BST1: variants seen among roughly 807,000 people sequenced by gnomAD.
BST1 encodes bone marrow stromal cell antigen 1, also known as ADP-ribosyl cyclase/cyclic ADP-ribose hydrolase 2.
BST1 carries 49 observed loss-of-function variants against 40.6 expected under a neutral mutation model. The observed-to-expected ratio is 1.21, with a 90% CI of 0.96 to 1.53. The LOEUF (loss-of-function observed/expected upper bound fraction) is 1.53. Ranked by LOEUF, BST1 falls within the 40% of genes most tolerant of loss-of-function variation. The probability of loss-of-function intolerance (pLI) is 0.00; values close to 1 mark genes in which losing one functional copy is unlikely to be tolerated. For missense variants in BST1, 423 were observed against 395.9 expected (o/e 1.07, Z -0.58); for synonymous variants, 157 against 159.3 (o/e 0.99, Z 0.11).
chr4:15,726,478 C>CCTTA (rs1721120376), intron 8 of BST1, among the ~76,000 whole-genome samples: 1 of 152,164 alleles, frequency 6.6e-6, no homozygotes, highest in African/African-American at 2.4e-5. Context: ...TGCCCAGAGG[C>CCTTA]TGCATATGCA....
intron 6 of BST1, among the ~76,000 whole-genome samples, chr4:15,717,070 A>G (rs1278831775): frequency 6.6e-6 from 1 of 152,080 alleles, no homozygotes; most frequent in East Asian, 1.9e-4. Flanking sequence ...ATGAGCCACC[A>G]TGCCCGTCCT....
downstream of BST1, among the ~76,000 whole-genome samples, chr4:15,742,049 G>A (rs9998153): frequency 0.24 from 37,041 of 152,114 alleles, 4,919 homozygotes; most frequent in East Asian, 0.38. Flanking sequence ...TGCCAAAGCT[G>A]TGACAAGCCC....
the BST1 span, among the ~76,000 whole-genome samples, chr4:15,757,741 G>A: frequency 6.6e-6 from 1 of 151,972 alleles, no homozygotes; most frequent in Non-Finnish European, 1.5e-5. Flanking sequence ...TCCTGGGTTC[G>A]AGTGATTCTC....
At chr4:15,770,978 CA>C in the BST1 span, among the ~76,000 whole-genome samples, 71 of 152,314 alleles carry the variant, frequency 4.7e-4, no homozygotes, top group Non-Finnish European at 9.6e-4. Context: ...ACCTGACCAC[CA>C]AGTGCTCTTA....
At chr4:15,719,744 TTCTCTGCCAC>T (rs1720707067) in intron 7 of BST1, among the ~76,000 whole-genome samples, 2 of 152,182 alleles carry the variant, frequency 1.3e-5, no homozygotes, top group Admixed American at 6.5e-5. Context: ...ATTATCCTGC[TTCTCTGCCAC>T]TCTCTGCCTT....
intron 8 of BST1, chr4:15,731,368 T>C: frequency 1.9e-6 from 1 of 520,238 alleles, no homozygotes; most frequent in Non-Finnish European, 3.5e-6. Context: ...AGTACCTCGT[T>C]TTCCATGTGG....
At chr4:15,748,917 G>C in the BST1 span, among the ~76,000 whole-genome samples, 1 of 152,174 alleles carries the variant, frequency 6.6e-6, no homozygotes, top group African/African-American at 2.4e-5. Flanking sequence ...TCATGCAAGA[G>C]TCGCAGTAAT....
intron 8 of BST1, among the ~76,000 whole-genome samples, chr4:15,725,582 A>G (rs924789429): frequency 7.2e-5 from 11 of 152,294 alleles, no homozygotes; most frequent in Middle Eastern, 3.4e-3. Flanking sequence ...TTCTAGTCCC[A>G]TCTTCCAGGT....
At chr4:15,741,809 G>A (rs1357109650), downstream of BST1, among the ~76,000 whole-genome samples, 1 of 152,204 alleles carries the variant, frequency 6.6e-6, no homozygotes, top group Non-Finnish European at 1.5e-5. Context: ...GAGGTTGCAT[G>A]GCCCGCAAAG....
At chr4:15,707,865 A>ATC (rs1719976872) in intron 3 of BST1, among the ~76,000 whole-genome samples, 3 of 129,712 alleles carry the variant, frequency 2.3e-5, no homozygotes, top group Non-Finnish European at 5.0e-5. Context: ...CTATATATAT[A>ATC]TATATATATA....
rs1305549753 is a variant in BST1 at position 15,713,213 on chromosome 4, T to C, written c.534+1324T>C. ...TATTTTAAATATTTTCATCTTTTTT[T>C]TTTTTTTTTTTTTTGAGACGGAGTC... On this transcript the variant is annotated intron_variant, in intron 4 of 8. Transcript: ENST00000265016. Among the ~76,000 whole-genome samples the C allele has an allele frequency of 2.9e-5, 4 of 139,618 alleles. No individual in the cohort carries two copies. The East Asian group carries it at 1.3e-3, about 47-fold the overall frequency. The allele number at this position is 139,618 out of a possible 152,430, so 91.6% of individuals were successfully genotyped here.
the BST1 span, among the ~76,000 whole-genome samples, chr4:15,756,747 G>T: frequency 8.5e-5 from 13 of 152,142 alleles, no homozygotes; most frequent in African/African-American, 3.1e-4. Flanking sequence ...GGTTTGGAGT[G>T]CTATTCACAT....
chr4:15,746,383 A>G, the BST1 span, among the ~76,000 whole-genome samples: 1 of 152,232 alleles, frequency 6.6e-6, no homozygotes, highest in Non-Finnish European at 1.5e-5. Context: ...AGACTGGGTA[A>G]TTTGTAAAGA....
At chr4:15,772,626 G>T in the BST1 span, among the ~76,000 whole-genome samples, 2 of 152,342 alleles carry the variant, frequency 1.3e-5, no homozygotes, top group South Asian at 2.1e-4. Context: ...GATGGGTATT[G>T]TCTCAGGAGA....
chr4:15,721,140 G>A (rs1720786855), intron 7 of BST1, among the ~76,000 whole-genome samples: 1 of 152,190 alleles, frequency 6.6e-6, no homozygotes, highest in Non-Finnish European at 1.5e-5. Flanking sequence ...GTCAGGAGCA[G>A]AGAGGATATA....
chr4:15,735,175 C>T (rs1406263602), downstream of BST1, among the ~76,000 whole-genome samples: 1 of 152,170 alleles, frequency 6.6e-6, no homozygotes, highest in Non-Finnish European at 1.5e-5. Flanking sequence ...GACTCTAAGA[C>T]ATACCTTAAG....
chr4:15,717,323 C>T (rs551590400), intron 6 of BST1, among the ~76,000 whole-genome samples: 2 of 152,316 alleles, frequency 1.3e-5, no homozygotes, highest in East Asian at 3.9e-4. Flanking sequence ...CCTGTACACT[C>T]CCCCTCTATT....
the BST1 span, among the ~76,000 whole-genome samples, chr4:15,749,936 T>TTC: frequency 8.8e-6 from 1 of 113,458 alleles, no homozygotes; most frequent in African/African-American, 3.8e-5. Flanking sequence ...CATTCTTTTC[T>TTC]TTTTTTTTTT....
chr4:15,708,616 C>A (rs200359322), intron 3 of BST1, among the ~76,000 whole-genome samples: 74 of 152,194 alleles, frequency 4.9e-4, no homozygotes, highest in African/African-American at 1.7e-3. Flanking sequence ...TGGTAGCTCA[C>A]GCTTGTAATC....
Sources: gnomAD v4.1 joint callset for allele counts (sites outside exome capture counted in the v4.1 genomes callset) on GRCh38, gnomAD v4.1.1 for gene constraint, MANE v1.5 for transcripts, NCBI Gene and HGNC (gene_info 2026-07-23, HGNC 2026-07-21) for gene names.